Variants in NEGR1 observed in about 807,000 individuals in gnomAD.
NEGR1 encodes the protein IgLON family member 4.
In NEGR1, 10 loss-of-function variants were observed where a neutral mutation model predicts 40.9. The ratio of observed to expected loss-of-function variants is 0.24; its 90% CI spans 0.15 to 0.42. The LOEUF is 0.42. Ranked by LOEUF, NEGR1 falls within the 10% of genes least tolerant of loss-of-function variation. NEGR1 has a pLI of 1.00. For missense variants in NEGR1, 352 were observed against 438.9 expected (o/e 0.80, Z 1.77); for synonymous variants, 185 against 166.8 (o/e 1.11, Z -0.84).
chr1:71,793,401 G>A (rs1261787006), intron 2 of NEGR1, among the ~76,000 whole-genome samples: 2 of 147,344 alleles, frequency 1.4e-5, no homozygotes, highest in East Asian at 2.0e-4. Context: ...GAGCCACCAC[G>A]CCCGGCCTGG....
chr1:71,951,510 G>A (rs994486967), intron 1 of NEGR1, among the ~76,000 whole-genome samples: 3 of 151,926 alleles, frequency 2.0e-5, no homozygotes, highest in Non-Finnish European at 2.9e-5. Context: ...CTGAGATAGC[G>A]TCTGAGTCAA....
intron 1 of NEGR1, among the ~76,000 whole-genome samples, chr1:72,086,748 T>A (rs900992017): frequency 1.3e-5 from 2 of 152,192 alleles, no homozygotes; most frequent in Admixed American, 1.3e-4. Context: ...ATCACATGAG[T>A]CATTTTGGGA....
chr1:71,701,179 A>T (rs561924717), intron 3 of NEGR1, among the ~76,000 whole-genome samples: 1 of 152,186 alleles, frequency 6.6e-6, no homozygotes, highest in African/African-American at 2.4e-5. Context: ...GTAATTGGTT[A>T]TAGCAACAGT....
intron 4 of NEGR1, among the ~76,000 whole-genome samples, chr1:71,635,860 T>A (rs1651130187): frequency 6.6e-6 from 1 of 152,130 alleles, no homozygotes; most frequent in Admixed American, 6.6e-5. Context: ...TCCTTACTTT[T>A]AATATACACC....
chr1:71,840,092 T>C (rs1004100657), intron 2 of NEGR1, among the ~76,000 whole-genome samples: 26 of 152,278 alleles, frequency 1.7e-4, no homozygotes, highest in South Asian at 2.1e-4. Context: ...ATTTCTCTTT[T>C]TCTGTCAATA....
Position 72,136,619 on chromosome 1 carries a change from TA to T in NEGR1, c.176+145699del, listed in dbSNP as rs759151913. Among the ~76,000 whole-genome samples, 369 of 68,922 alleles carry T rather than the reference TA, an allele frequency of 5.4e-3. 2 individuals are homozygous for T. Among genetic ancestry groups the T allele is most frequent in the African/African-American group, 0.016 (308 of 18,886 alleles). The allele number at this position is 68,922 out of a possible 152,430, so 45.2% of individuals were successfully genotyped here. A position where few individuals can be genotyped will look rare whatever the true frequency, so the allele number is the denominator to read the frequency against. ...CAGCAAAAAAAATGAACTGAAACAA[TA>T]AAAAAAAAAATTACTCAATTTGTCC... On this transcript the variant is annotated intron_variant, in intron 1 of 6. Coordinates refer to ENST00000357731, the MANE Select transcript of NEGR1 (RefSeq NM_173808.3).
At chr1:71,474,360 A>G (rs895597218) in intron 6 of NEGR1, among the ~76,000 whole-genome samples, 3 of 148,106 alleles carry the variant, frequency 2.0e-5, no homozygotes, top group African/African-American at 5.0e-5. Flanking sequence ...GACTGTGTCT[A>G]TGTGTGACAA....
At chr1:71,469,167 T>A (rs925200829) in intron 6 of NEGR1, among the ~76,000 whole-genome samples, 8 of 152,082 alleles carry the variant, frequency 5.3e-5, no homozygotes, top group African/African-American at 1.9e-4. Flanking sequence ...GCTTGTAAAT[T>A]TTAATTAAAT....
chr1:71,986,174 C>A (rs999163820), intron 1 of NEGR1, among the ~76,000 whole-genome samples: 2 of 152,112 alleles, frequency 1.3e-5, no homozygotes, highest in Non-Finnish European at 2.9e-5. Context: ...TTGTTTTTAT[C>A]ATTTTATAAA....
intron 1 of NEGR1, among the ~76,000 whole-genome samples, chr1:71,988,399 C>T (rs1199107134): frequency 3.3e-5 from 5 of 151,486 alleles, no homozygotes; most frequent in South Asian, 2.1e-4. Context: ...ATTAGCCGGG[C>T]GCGGTGGCGG....
chr1:71,899,490 A>T (rs1661088926), intron 2 of NEGR1, among the ~76,000 whole-genome samples: 1 of 152,154 alleles, frequency 6.6e-6, no homozygotes, highest in Non-Finnish European at 1.5e-5. Context: ...AGGAAGAATC[A>T]CTGAGGAAGA....
At chr1:71,684,410 T>C (rs988620407) in intron 4 of NEGR1, among the ~76,000 whole-genome samples, 6 of 152,324 alleles carry the variant, frequency 3.9e-5, no homozygotes, top group South Asian at 2.1e-4. Context: ...TTTGTATATA[T>C]TTTTAACGTC....
At chr1:71,483,226 C>T (rs1646865771) in intron 6 of NEGR1, among the ~76,000 whole-genome samples, 1 of 149,056 alleles carries the variant, frequency 6.7e-6, no homozygotes, top group South Asian at 2.1e-4. Context: ...AGAAGAGTGG[C>T]AAACAGAAAA....
chr1:71,909,606 TA>T (rs1661369123), intron 2 of NEGR1, among the ~76,000 whole-genome samples: 1 of 152,214 alleles, frequency 6.6e-6, no homozygotes, highest in African/African-American at 2.4e-5. Flanking sequence ...ACCCACAATT[TA>T]AAAGAGTAAT....
intron 6 of NEGR1, among the ~76,000 whole-genome samples, chr1:71,539,817 T>C (rs1325176096): frequency 3.3e-5 from 5 of 151,760 alleles, no homozygotes; most frequent in African/African-American, 4.8e-5. Context: ...TAGAAAAACA[T>C]CGTTTGTAGT....
At chr1:71,872,297 T>C (rs745563398) in intron 2 of NEGR1, among the ~76,000 whole-genome samples, 3 of 152,212 alleles carry the variant, frequency 2.0e-5, no homozygotes, top group Non-Finnish European at 4.4e-5. Context: ...CTGAACTAAC[T>C]TCCAGTCTTT....
intron 6 of NEGR1, among the ~76,000 whole-genome samples, chr1:71,463,735 C>T (rs1041153394): frequency 1.3e-5 from 2 of 152,076 alleles, no homozygotes; most frequent in Non-Finnish European, 1.5e-5. Flanking sequence ...TTATGCATTT[C>T]TTATTGTGAG....
At chr1:71,647,261 G>T (rs556695264) in intron 4 of NEGR1, among the ~76,000 whole-genome samples, 40 of 151,782 alleles carry the variant, frequency 2.6e-4, no homozygotes, top group African/African-American at 8.4e-4. Context: ...AAATACATTT[G>T]GTAGGGTTTC....
At chr1:71,992,451 T>C (rs185784716) in intron 1 of NEGR1, among the ~76,000 whole-genome samples, 1 of 152,126 alleles carries the variant, frequency 6.6e-6, no homozygotes, top group African/African-American at 2.4e-5. Flanking sequence ...AAGCCACACA[T>C]GTAGTTTGAA....
Sources: allele counts gnomAD v4.1 joint callset (sites outside exome capture counted in the v4.1 genomes callset), GRCh38; gene constraint gnomAD v4.1.1; transcripts MANE v1.5; gene names NCBI Gene and HGNC (gene_info 2026-07-23, HGNC 2026-07-21).